The following NAV3 variants were observed in gnomAD, a reference collection of about 807,000 sequenced individuals.
NAV3 encodes the protein pore membrane and/or filament interacting like protein 1.
A neutral mutation model predicts 244.7 loss-of-function variants in NAV3; 87 were observed. The ratio of observed to expected loss-of-function variants is 0.36; its 90% CI spans 0.30 to 0.42. The LOEUF (loss-of-function observed/expected upper bound fraction) is 0.42. Among genes scored for constraint, NAV3 ranks in the 20% least tolerant of loss-of-function variants. The pLI is 1.00. For missense variants in NAV3, 2,663 were observed against 2,893.3 expected, an observed-to-expected ratio of 0.92 and a Z score of 1.83; for synonymous variants, 1,126 against 1,042.2, an observed-to-expected ratio of 1.08 and a Z score of -1.55.
At chr12:77,821,843 A>G (rs1160368992) in intron 2 of NAV3, among the ~76,000 whole-genome samples, 1 of 152,170 alleles carries the variant, frequency 6.6e-6, no homozygotes, top group East Asian at 1.9e-4. Flanking sequence ...ATATTTGTGT[A>G]CCCATATTCC....
chr12:77,966,193 C>A lies in NAV3; in HGVS notation c.415-36C>A, dbSNP rs557287619. 12 of 1,571,250 alleles carry A rather than the reference C, an allele frequency of 7.6e-6. No individual in the cohort carries two copies. The Middle Eastern group carries it at 5.0e-4, about 66-fold the overall frequency. On this transcript the variant is annotated intron_variant, in intron 3 of 39. Coordinates refer to ENST00000397909, the MANE Select transcript of NAV3 (RefSeq NM_001024383.2). ...CACATGTATTTGTTAAAATATAATC[C>A]TCTAAGTTGCTTTTTCACTGCTTTT...
chr12:77,837,405 C>T (rs970995821), intron 1 of NAV3, among the ~76,000 whole-genome samples: 1 of 151,988 alleles, frequency 6.6e-6, no homozygotes, highest in African/African-American at 2.4e-5. Context: ...TCATTGCAGA[C>T]AGGTCTAATA....
At chr12:78,085,870 A>G (rs1383033246) in intron 12 of NAV3, among the ~76,000 whole-genome samples, 1 of 152,126 alleles carries the variant, frequency 6.6e-6, no homozygotes, top group African/African-American at 2.4e-5. Context: ...ATGCATCTTG[A>G]TAATAATGCC....
At chr12:77,846,657 A>T (rs1417140917) in intron 1 of NAV3, among the ~76,000 whole-genome samples, 1 of 152,200 alleles carries the variant, frequency 6.6e-6, no homozygotes, top group Non-Finnish European at 1.5e-5. Flanking sequence ...ATATTTATCA[A>T]TTTTTAAATA....
At chr12:78,111,031 A>C (rs759172110) in intron 12 of NAV3, among the ~76,000 whole-genome samples, 1 of 152,024 alleles carries the variant, frequency 6.6e-6, no homozygotes, top group Non-Finnish European at 1.5e-5. Context: ...GGATGAATGG[A>C]GGGTAGGAGG....
At chr12:78,077,735 C>T (rs1328810723) in intron 12 of NAV3, among the ~76,000 whole-genome samples, 1 of 152,052 alleles carries the variant, frequency 6.6e-6, no homozygotes, top group Non-Finnish European at 1.5e-5. Flanking sequence ...GTCAGGAGTT[C>T]GAGACCAGCC....
intron 2 of NAV3, among the ~76,000 whole-genome samples, chr12:77,647,507 T>A (rs1401630300): frequency 1.3e-5 from 2 of 152,106 alleles, no homozygotes; most frequent in African/African-American, 2.4e-5. Context: ...AATTTTTTTT[T>A]AATTTCAGAA....
chr12:78,114,043 G>A (rs1280901415), intron 12 of NAV3, among the ~76,000 whole-genome samples: 1 of 152,206 alleles, frequency 6.6e-6, no homozygotes, highest in African/African-American at 2.4e-5. Context: ...AGATCTCTAG[G>A]GCAGGGGCAA....
At position 78,118,289 on chromosome 12, in the gene NAV3, A is replaced by T. The variant is rs2138577085; in HGVS notation, c.3032A>T (p.Lys1011Ile). 1 of 1,603,578 alleles carries T rather than the reference A, an allele frequency of 6.2e-7. No homozygotes were observed. The highest frequency in any genetic ancestry group is 1.1e-5 in the South Asian group (1 of 90,874). The change falls in exon 14 of 40, where the codon AAA becomes ATA. Residue 1011 changes from lysine (K) to isoleucine (I), a missense_variant. Lys to Ile is a moderately radical substitution (Grantham distance 102, BLOSUM62 -3). Around this residue, in one of 6 missense-constraint regions of NAV3, gnomAD observed 1,521 missense variants for 1,497.0 expected, o/e 1.02. Coordinates refer to ENST00000397909, the MANE Select transcript of NAV3 (RefSeq NM_001024383.2). ...SRQKAGTSAL[K>I]TPGKTDDAKA... The stretch of plus-strand genomic sequence containing the variant: ...CAGAAAGCTGGAACAAGTGCACTCA[A>T]AACACCCGGTAGGCTTGTCGTTTGC...
intron 2 of NAV3, among the ~76,000 whole-genome samples, chr12:77,771,828 G>A (rs1870105196): frequency 6.6e-6 from 1 of 151,858 alleles, no homozygotes; most frequent in African/African-American, 2.4e-5. Context: ...CAAGTTAATG[G>A]GTGCAGCACA....
intron 1 of NAV3, among the ~76,000 whole-genome samples, chr12:77,916,489 G>A (rs1887160347): frequency 6.6e-6 from 1 of 151,656 alleles, no homozygotes; most frequent in Admixed American, 6.6e-5. Context: ...AGGCTATTAG[G>A]CATGTGTTGA....
At chr12:78,024,981 A>G (rs1358942382) in intron 9 of NAV3, among the ~76,000 whole-genome samples, 5 of 102,312 alleles carry the variant, frequency 4.9e-5, no homozygotes. Context: ...TCTCAAGAAA[A>G]AGGGGGAAAA....
At chr12:77,595,980 C>T (rs1870149520) in intron 2 of NAV3, among the ~76,000 whole-genome samples, 1 of 152,076 alleles carries the variant, frequency 6.6e-6, no homozygotes, top group Non-Finnish European at 1.5e-5. Context: ...AGACAATTAC[C>T]TTAAATTAAG....
In NAV3 at chr12:77,994,988, C is replaced by A. The variant is rs181047038; in HGVS notation, c.740+117C>A. The A allele has an allele frequency of 4.6e-4, 297 of 641,106 alleles. 1 individual carries two copies. Among genetic ancestry groups the A allele is most frequent in the Admixed American group, 7.1e-4 (22 of 30,890 alleles). 39.7% of individuals were successfully genotyped at this position (641,106 alleles called of 1,614,324 possible). A position where few individuals can be genotyped will look rare whatever the true frequency, so the allele number is the denominator to read the frequency against. On this transcript the variant is annotated intron_variant, in intron 6 of 39. Transcript: ENST00000397909. ...ACTTCTGAATGAGAAGTTTAGAGCA[C>A]TAAATTTTTCCAGGAAGATTTTCAC... is the stretch of plus-strand genomic sequence containing the variant.
intron 2 of NAV3, among the ~76,000 whole-genome samples, chr12:77,577,234 C>T (rs1031741336): frequency 2.6e-5 from 4 of 152,144 alleles, no homozygotes; most frequent in Admixed American, 2.6e-4. Context: ...CCACAAACAG[C>T]TGTCTCCCAG....
At chr12:77,873,556 T>C (rs1215350823) in intron 1 of NAV3, among the ~76,000 whole-genome samples, 1 of 151,020 alleles carries the variant, frequency 6.6e-6, no homozygotes, top group African/African-American at 2.4e-5. Context: ...TAACTTTTTT[T>C]GCAGTTTTTA....
chr12:77,714,173 TGGGGATATAA>T (rs1876251891), intron 2 of NAV3, among the ~76,000 whole-genome samples: 2 of 152,044 alleles, frequency 1.3e-5, no homozygotes, highest in African/African-American at 4.8e-5. Flanking sequence ...CCTCAGAGGT[TGGGGATATAA>T]GGCACAGAGA....
chr12:78,029,783 T>G (rs935429288), intron 9 of NAV3, among the ~76,000 whole-genome samples: 1 of 152,170 alleles, frequency 6.6e-6, no homozygotes, highest in African/African-American at 2.4e-5. Context: ...AACACATTAT[T>G]TTTTCACTGC....
intron 12 of NAV3, among the ~76,000 whole-genome samples, chr12:78,103,868 T>A (rs1469301206): frequency 6.6e-6 from 1 of 152,342 alleles, no homozygotes; most frequent in East Asian, 1.9e-4. Flanking sequence ...ATTATGGGAA[T>A]ACAATTCAAG....
Sources: allele counts gnomAD v4.1 joint callset (sites outside exome capture counted in the v4.1 genomes callset), GRCh38; gene constraint gnomAD v4.1.1; regional missense constraint gnomAD v4.1.1; transcripts MANE v1.5; gene names NCBI Gene and HGNC (gene_info 2026-07-23, HGNC 2026-07-21).